Variants in NEBL observed in about 807,000 individuals in gnomAD.
The protein encoded by NEBL is LIM and SH3 protein 2.
A neutral mutation model predicts 140.2 loss-of-function variants in NEBL; 122 were observed. The observed-to-expected ratio is 0.87, with a 90% confidence interval of 0.75 to 1.01. NEBL has a LOEUF of 1.01. NEBL is among the 50% of genes least tolerant of loss of function. The probability of loss-of-function intolerance (pLI) is 0.00; values close to 1 mark genes in which losing one functional copy is unlikely to be tolerated. For missense variants in NEBL, 1,365 were observed against 1,231.3 expected, an observed-to-expected ratio of 1.11 and a Z score of -1.62; for synonymous variants, 436 against 398.9, an observed-to-expected ratio of 1.09 and a Z score of -1.11.
At chr10:21,139,987 C>A (rs79808256) in intron 2 of NEBL, among the ~76,000 whole-genome samples, 6,117 of 96,554 alleles carry the variant, frequency 0.063, 56 homozygotes, top group African/African-American at 0.082. Context: ...CCTGTCTCAA[C>A]AAAAAAAAAA....
intron 11 of NEBL, among the ~76,000 whole-genome samples, chr10:20,849,977 A>T (rs571252436): frequency 4.3e-4 from 66 of 152,296 alleles, no homozygotes; most frequent in African/African-American, 1.6e-3. Flanking sequence ...TAAGTATTTT[A>T]AAAATGTTAG....
chr10:20,841,511 T>C (rs967129043), intron 12 of NEBL: 1 of 152,402 alleles, frequency 6.6e-6, no homozygotes, highest in Admixed American at 6.5e-5. Context: ...AAGGCCCCCT[T>C]TACTATCTCT....
At position 21,196,587 on chromosome 10, in the gene NEBL, C is replaced by T. The variant is rs536803702; in HGVS notation, n.349-24110G>A. Among the ~76,000 whole-genome samples the T allele has an allele frequency of 2.5e-3, 377 of 151,344 alleles. 1 individual carries two copies. The highest frequency in any genetic ancestry group is 2.5e-3 in the Non-Finnish European group (172 of 67,794). Reference sequence around the variant, plus strand: ...CTCGAACTCCTGACCTCCAGTGATCCGCCCGCCTCAGTCTCCCAAAGTGCT... The same window carrying T: ...CTCGAACTCCTGACCTCCAGTGATCTGCCCGCCTCAGTCTCCCAAAGTGCT... On this transcript the variant is annotated intron_variant and non_coding_transcript_variant, in intron 3 of 8. Coordinates refer to the NEBL transcript ENST00000675702.
In NEBL at chr10:20,823,231, C is replaced by G; in HGVS notation, c.1939G>C (p.Glu647Gln). The stretch of plus-strand genomic sequence containing the variant: ...ACATTGCTGATGTTCTTCTGGTTTT[C>G]TTTAACTCTCTTTAGTTCTGGAGGA... ...SDPPELKRVK[E>Q]NQKNISNLQY... is the part of the protein sequence containing the mutation. Residue 647 changes from glutamate to glutamine, a missense_variant, in exon 19 of 28, where the codon GAA (glutamate) becomes CAA (glutamine). Physicochemically the swap from Glu to Gln is conservative, Grantham distance 29 (BLOSUM62 2). This residue lies in a region of NEBL where 1,323 missense variants were observed against 1,154.8 expected (regional missense o/e 1.15). Transcript: ENST00000377122. 6.2e-7 allele frequency: 1 copy of G among 1,608,406 alleles called. No homozygotes were observed. Among genetic ancestry groups the G allele is most frequent in the Non-Finnish European group, 8.5e-7 (1 of 1,177,488 alleles).
chr10:21,232,128 GT>G (rs200547382), intron 3 of NEBL, among the ~76,000 whole-genome samples: 7 of 151,088 alleles, frequency 4.6e-5, no homozygotes, highest in African/African-American at 9.7e-5. Context: ...CAGGGTTGTT[GT>G]TTTTTTTTCT....
chr10:20,787,274 A>G lies in NEBL; in HGVS notation c.2796T>C (p.His932=). 10 of 1,613,554 alleles carry G rather than the reference A, an allele frequency of 6.2e-6. No individual in the cohort carries two copies. The highest frequency in any genetic ancestry group is 8.5e-6 in the Non-Finnish European group (10 of 1,179,714). Reference sequence around the variant, plus strand: ...GGTGCATGTAGCCATAGCCTTGGGAATGGCTTTGCTGATAGGCTCCGGGAA... The same window carrying G: ...GGTGCATGTAGCCATAGCCTTGGGAGTGGCTTTGCTGATAGGCTCCGGGAA... The part of the protein sequence containing the change: ...PVLPGAYQQS[H]SQGYGYMHQT... Residue 932 remains histidine, a synonymous_variant, in exon 27 of 28, where the codon CAT becomes CAC. Coordinates refer to ENST00000377122, the MANE Select transcript of NEBL (RefSeq NM_006393.3).
At chr10:21,056,098 A>G (rs113792293) in intron 2 of NEBL, among the ~76,000 whole-genome samples, 4 of 152,336 alleles carry the variant, frequency 2.6e-5, no homozygotes, top group African/African-American at 9.6e-5. Context: ...GACACAGGCT[A>G]GACACTAGGT....
chr10:20,930,973 C>T (rs12770568), intron 4 of NEBL, among the ~76,000 whole-genome samples: 70,487 of 151,976 alleles, frequency 0.46, 17,849 homozygotes, highest in Non-Finnish European at 0.56. Flanking sequence ...TAGAAACAAA[C>T]GCCTGTACCT....
At chr10:21,060,177 A>G (rs1450786934) in intron 2 of NEBL, among the ~76,000 whole-genome samples, 2 of 152,202 alleles carry the variant, frequency 1.3e-5, no homozygotes, top group Non-Finnish European at 2.9e-5. Context: ...GTTTAAAGAG[A>G]CAGTACAGCT....
chr10:21,245,791 G>A (rs965172563), intron 3 of NEBL, among the ~76,000 whole-genome samples: 4 of 152,196 alleles, frequency 2.6e-5, no homozygotes, highest in Non-Finnish European at 4.4e-5. Context: ...CACCTCCTGG[G>A]TTCACACCAT....
intron 3 of NEBL, among the ~76,000 whole-genome samples, chr10:20,982,130 A>T (rs1179146710): frequency 6.6e-6 from 1 of 152,204 alleles, no homozygotes; most frequent in Non-Finnish European, 1.5e-5. Context: ...ACCCTAACAG[A>T]AAAGTGGTTC....
intron 2 of NEBL, among the ~76,000 whole-genome samples, chr10:21,157,688 C>A (rs989669601): frequency 1.3e-5 from 2 of 152,190 alleles, no homozygotes; most frequent in African/African-American, 4.8e-5. Context: ...CTCTGCTTGA[C>A]TTTTCTTAGT....
intron 17 of NEBL, among the ~76,000 whole-genome samples, chr10:20,828,270 G>GAA (rs1840078907): frequency 6.6e-6 from 1 of 152,004 alleles, no homozygotes; most frequent in South Asian, 2.1e-4. Flanking sequence ...CTTCTTTCCT[G>GAA]AGTTAAATTT....
In NEBL at chr10:20,817,617, G is replaced by A. The variant is rs753836201; in HGVS notation, c.2131C>T (p.Gln711Ter). 2 of 1,612,974 alleles carry A rather than the reference G, an allele frequency of 1.2e-6. No individual in the cohort carries two copies. Among genetic ancestry groups the A allele is most frequent in the South Asian group, 2.2e-5 (2 of 91,060 alleles). The change falls in exon 21 of 28, where the codon CAG (glutamine) becomes TAG (stop). Residue 711 changes from glutamine to a stop codon, truncating the protein, a stop_gained. Transcript: ENST00000377122. LOFTEE classifies it high-confidence loss of function. The stretch of plus-strand genomic sequence containing the variant: ...GATCACACATTGCTGATGTTTTTCT[G>A]GTTTTCTTTTGCCCTCTTCAGCTCT... Reference protein sequence around the residue: ...PPELKRAKENQKNISNVYYRG... With the variant: ...PPELKRAKEN
At chr10:20,945,567 T>A (rs780539058) in intron 4 of NEBL, among the ~76,000 whole-genome samples, 1 of 152,196 alleles carries the variant, frequency 6.6e-6, no homozygotes, top group African/African-American at 2.4e-5. Flanking sequence ...TCCCAGCACA[T>A]AAAGGAACAT....
At chr10:20,843,902 G>A (rs74120698) in intron 12 of NEBL, among the ~76,000 whole-genome samples, 2,644 of 152,034 alleles carry the variant, frequency 0.017, 86 homozygotes, top group African/African-American at 0.06. Flanking sequence ...TTCACCTTAC[G>A]GTGCTGCAGA....
At chr10:21,099,114 CA>C (rs779158774) in intron 2 of NEBL, among the ~76,000 whole-genome samples, 33 of 152,206 alleles carry the variant, frequency 2.2e-4, no homozygotes, top group Admixed American at 5.9e-4. Context: ...GCCTGGGTAA[CA>C]GAGAAAGACC....
At chr10:21,247,039 G>T (rs1261740786) in intron 3 of NEBL, among the ~76,000 whole-genome samples, 2 of 151,988 alleles carry the variant, frequency 1.3e-5, no homozygotes, top group East Asian at 1.9e-4. Context: ...AAAGTGTGTA[G>T]CACCTCCCCC....
chr10:21,196,313 TTTTA>T (rs10629849), intron 3 of NEBL, among the ~76,000 whole-genome samples: 3,635 of 140,540 alleles, frequency 0.026, 99 homozygotes, highest in African/African-American at 0.066. Context: ...ATATTTTTAT[TTTTA>T]TTTATTTATT....
Sources: allele counts gnomAD v4.1 joint callset (sites outside exome capture counted in the v4.1 genomes callset), GRCh38; gene constraint gnomAD v4.1.1; regional missense constraint gnomAD v4.1.1; transcripts MANE v1.5; gene names NCBI Gene and HGNC (gene_info 2026-07-23, HGNC 2026-07-21).